Variants in KIF13A observed in about 807,000 individuals in gnomAD.
KIF13A encodes the protein kinesin-like protein KIF13A.
KIF13A carries 79 observed loss-of-function variants against 212.2 expected under a neutral mutation model. The observed-to-expected ratio is 0.37, with a 90% CI of 0.31 to 0.45. KIF13A has a LOEUF of 0.45. Among genes scored for constraint, KIF13A ranks in the 20% least tolerant of loss-of-function variants. The pLI, the probability that KIF13A is intolerant of heterozygous loss-of-function variation, is 1.00. For missense variants in KIF13A, 1,901 were observed against 2,209.0 expected, an observed-to-expected ratio of 0.86 and a Z score of 2.79; for synonymous variants, 789 against 808.6, an observed-to-expected ratio of 0.98 and a Z score of 0.41.
rs1379069233 is a variant in KIF13A at position 17,933,886 on chromosome 6, T to C, written c.147-35706A>G. Among the ~76,000 whole-genome samples the C allele has an allele frequency of 2.0e-5, 3 of 152,192 alleles. No homozygotes were observed. In the East Asian group the frequency reaches 5.8e-4, roughly 29 times the overall value. Reference sequence around the variant, plus strand: ...ACCAAAGCCTGGCACAGTGGCTTAATAATCACATTTATCTCAGCCAGCTCC... The same window carrying C: ...ACCAAAGCCTGGCACAGTGGCTTAACAATCACATTTATCTCAGCCAGCTCC... On this transcript the variant is annotated intron_variant, in intron 2 of 38. Coordinates refer to ENST00000259711, the MANE Select transcript of KIF13A (RefSeq NM_022113.6).
intron 16 of KIF13A, among the ~76,000 whole-genome samples, chr6:17,822,225 GA>G (rs1025092359): frequency 9.2e-5 from 14 of 151,886 alleles, no homozygotes; most frequent in African/African-American, 3.4e-4. Context: ...GTATTTTTAA[GA>G]CAGACTGGGA....
chr6:17,962,169 G>A (rs192334798), intron 2 of KIF13A, among the ~76,000 whole-genome samples: 39 of 152,144 alleles, frequency 2.6e-4, no homozygotes, highest in South Asian at 1.5e-3. Context: ...AAATTAGCTG[G>A]GCGTGGTGGG....
intron 2 of KIF13A, among the ~76,000 whole-genome samples, chr6:17,949,956 G>A (rs1397144300): frequency 6.6e-6 from 1 of 152,054 alleles, no homozygotes; most frequent in Non-Finnish European, 1.5e-5. Flanking sequence ...CCTACAAAAT[G>A]CAGTCACAAA....
chr6:17,793,637 G>A (rs1159645633), intron 25 of KIF13A, among the ~76,000 whole-genome samples: 1 of 151,978 alleles, frequency 6.6e-6, no homozygotes, highest in African/African-American at 2.4e-5. Flanking sequence ...AAGTGGCCAG[G>A]TGCGGTGGCT....
chr6:17,781,777 C>G (rs1416028446), intron 29 of KIF13A, among the ~76,000 whole-genome samples: 1 of 152,004 alleles, frequency 6.6e-6, no homozygotes, highest in Non-Finnish European at 1.5e-5. Context: ...CAGGTACACA[C>G]CACTATGCCT....
chr6:17,933,944 GC>G (rs1776232230), intron 2 of KIF13A, among the ~76,000 whole-genome samples: 1 of 152,056 alleles, frequency 6.6e-6, no homozygotes, highest in Admixed American at 6.6e-5. Flanking sequence ...CCTTAGTCCT[GC>G]TTTTATCTTA....
intron 35 of KIF13A, among the ~76,000 whole-genome samples, chr6:17,774,559 A>G (rs1458158227): frequency 6.6e-6 from 1 of 152,206 alleles, no homozygotes; most frequent in Non-Finnish European, 1.5e-5. Context: ...CGATCACCTG[A>G]GGTCAGAAGT....
rs80286368 is a variant in KIF13A, at chr6:17,967,797, T to C, written c.146+19257A>G. Among the ~76,000 whole-genome samples the C allele has an allele frequency of 0.019, 2,938 of 152,304 alleles. 42 individuals are homozygous for C. Among genetic ancestry groups the C allele is most frequent in the Non-Finnish European group, 0.031 (2,088 of 68,020 alleles). On this transcript the variant is annotated intron_variant, in intron 2 of 38. Transcript: ENST00000259711. This position sits in a 1 kb window ranked among gnomAD's most constrained non-coding sequence, Gnocchi z 4.1. ...CAACCATGGGACTAGGACCCGCTGA[T>C]GTTTGACAATCACTGTGAGATGCAT...
intron 12 of KIF13A, among the ~76,000 whole-genome samples, chr6:17,833,463 C>G (rs1258722195): frequency 1.4e-5 from 2 of 146,190 alleles, no homozygotes; most frequent in African/African-American, 5.1e-5. Flanking sequence ...AGCTGCTGTA[C>G]TCCAGCCTGG....
At chr6:17,823,232 C>T (rs10807618) in intron 16 of KIF13A, among the ~76,000 whole-genome samples, 40,344 of 151,604 alleles carry the variant, frequency 0.27, 5,476 homozygotes, top group Admixed American at 0.35. Context: ...TTAGTAAAGA[C>T]GGGGTTTCAC....
At position 17,783,850 on chromosome 6, in the gene KIF13A, CT is replaced by C. The variant is rs1469284405; in HGVS notation, c.3489-150del. 1 of 639,944 alleles carries C rather than the reference CT, an allele frequency of 1.6e-6. No homozygotes were observed. Among genetic ancestry groups the C allele is most frequent in the Admixed American group, 2.6e-5 (1 of 38,918 alleles). The allele number at this position is 639,944 out of a possible 1,614,324, so 39.6% of individuals were successfully genotyped here. A position where few individuals can be genotyped will look rare whatever the true frequency, so the allele number is the denominator to read the frequency against. On this transcript the variant is annotated intron_variant, in intron 28 of 38. Coordinates refer to ENST00000259711, the MANE Select transcript of KIF13A (RefSeq NM_022113.6). The surrounding 1 kb of genome is among the most constrained non-coding windows in gnomAD (Gnocchi z 4.3). ...AATACTTTCATATTTCTTGACTTCC[CT>C]GTAGACATAAATCATGGGAATTATA... is the stretch of plus-strand genomic sequence containing the variant.
intron 2 of KIF13A, among the ~76,000 whole-genome samples, chr6:17,917,138 A>G (rs1327257384): frequency 6.6e-6 from 1 of 151,746 alleles, no homozygotes; most frequent in African/African-American, 2.4e-5. Context: ...CATTTCCATG[A>G]TGCCAGAACA....
At chr6:17,935,463 T>C (rs1267440431) in intron 2 of KIF13A, among the ~76,000 whole-genome samples, 1 of 152,174 alleles carries the variant, frequency 6.6e-6, no homozygotes, top group Non-Finnish European at 1.5e-5. Flanking sequence ...CTCTTGTCTG[T>C]GCCAAGTGAT....
At chr6:17,830,983 T>A in intron 13 of KIF13A, 118 bp downstream of exon 13, 1 of 908,792 alleles carries the variant, frequency 1.1e-6, no homozygotes, top group Non-Finnish European at 1.7e-6. Flanking sequence ...TCCATCTTAG[T>A]TTTACTGAGG....
In KIF13A at chr6:17,808,939, T is replaced by C; in HGVS notation, c.2001-9A>G. On this transcript the variant is annotated splice_polypyrimidine_tract_variant and intron_variant, in intron 17 of 38. Coordinates refer to ENST00000259711, the MANE Select transcript of KIF13A (RefSeq NM_022113.6). Reference sequence around the variant, plus strand: ...GTCGGAAGAGTTCATCCCTGCAGTGTCATAGAAAAGGGAACGAGAAAATCT... The same window carrying C: ...GTCGGAAGAGTTCATCCCTGCAGTGCCATAGAAAAGGGAACGAGAAAATCT... 6.4e-7 allele frequency: 1 copy of C among 1,574,044 alleles called. No homozygotes were observed. The highest frequency in any genetic ancestry group is 8.6e-7 in the Non-Finnish European group (1 of 1,159,950).
chr6:17,809,526 T>C lies in KIF13A; in HGVS notation c.2001-596A>G, dbSNP rs1396293030. ...TAGCCTCCATAGCATTTGCCATAGT[T>C]AGAACTTTTCATTTTTACTCGTATA... On this transcript the variant is annotated intron_variant, in intron 17 of 38. Transcript: ENST00000259711. The surrounding 1 kb of genome is among the most constrained non-coding windows in gnomAD (Gnocchi z 4.7). 1.3e-5 allele frequency among the ~76,000 whole-genome samples: 2 copies of C among 152,222 alleles called. No individual in the cohort carries two copies. Among genetic ancestry groups the C allele is most frequent in the Non-Finnish European group, 1.5e-5 (1 of 68,044 alleles).
intron 4 of KIF13A, among the ~76,000 whole-genome samples, chr6:17,868,989 C>CAAAAAAAAAAAAAAAAAAAAAAAAA (rs71002278): frequency 1.4e-4 from 3 of 20,920 alleles, no homozygotes; most frequent in East Asian, 1.8e-3. Flanking sequence ...GACTCCCTCT[C>CAAAAAAAAAAAAAAAAAAAAAAAAA]AAAAAAAAAA....
chr6:17,892,410 G>A lies in KIF13A; in HGVS notation c.159+5758C>T, dbSNP rs1331508311. Among the ~76,000 whole-genome samples the A allele has an allele frequency of 6.6e-6, 1 of 152,066 alleles. No individual in the cohort carries two copies. The highest frequency in any genetic ancestry group is 2.4e-5 in the African/African-American group (1 of 41,394). ...CTAGCCTCCCTACTGATCAAGCTTT[G>A]TTCAAAACAGGCAATAGAGACACTG... On this transcript the variant is annotated intron_variant, in intron 3 of 38. Coordinates refer to ENST00000259711, the MANE Select transcript of KIF13A (RefSeq NM_022113.6). The surrounding 1 kb of genome is among the most constrained non-coding windows in gnomAD (Gnocchi z 4.7).
At chr6:17,760,258 G>C (rs1758530793), downstream of KIF13A, 1 of 152,132 alleles carries the variant, frequency 6.6e-6, no homozygotes, top group African/African-American at 2.4e-5. Flanking sequence ...CTGCAAAGAG[G>C]GATTTGCAAG....
Sources: allele counts gnomAD v4.1 joint callset (sites outside exome capture counted in the v4.1 genomes callset), GRCh38; gene constraint gnomAD v4.1.1; non-coding constraint Gnocchi (gnomAD v3.1); transcripts MANE v1.5; gene names NCBI Gene and HGNC (gene_info 2026-07-23, HGNC 2026-07-21).